Variants in PUS7 observed in about 807,000 individuals in gnomAD.
PUS7 encodes the protein pseudouridylate synthase 7 homolog.
Under a neutral mutation model 79.8 loss-of-function variants are expected in PUS7, and 48 were observed. That is an observed-to-expected ratio of 0.60 (90% CI 0.48 to 0.76). The LOEUF (loss-of-function observed/expected upper bound fraction) is 0.76. Among genes scored for constraint, PUS7 ranks in the 30% least tolerant of loss-of-function variants. The pLI, the probability that PUS7 is intolerant of heterozygous loss-of-function variation, is 0.00. For synonymous variants in PUS7, 286 were observed against 272.2 expected, an observed-to-expected ratio of 1.05 and a Z score of -0.50; for missense variants, 729 against 797.6, an observed-to-expected ratio of 0.91 and a Z score of 1.04.
chr7:105,490,894 A>G (rs1562804685), intron 7 of PUS7, among the ~76,000 whole-genome samples: 2 of 152,210 alleles, frequency 1.3e-5, no homozygotes, highest in Non-Finnish European at 2.9e-5. Context: ...AGGAGTTGCT[A>G]CTGCTACATA....
chr7:105,464,209 C>A (rs1285919733), intron 13 of PUS7, among the ~76,000 whole-genome samples: 1 of 150,392 alleles, frequency 6.6e-6, no homozygotes, highest in Non-Finnish European at 1.5e-5. Context: ...ATAATGTTTT[C>A]TTTCTTATGA....
At chr7:105,464,369 G>A (rs763602975) in intron 13 of PUS7, among the ~76,000 whole-genome samples, 1 of 152,160 alleles carries the variant, frequency 6.6e-6, no homozygotes, top group African/African-American at 2.4e-5. Context: ...TAGAGTGACC[G>A]GACTGTGCCA....
chr7:105,496,208 T>C (rs1411433573), intron 5 of PUS7, among the ~76,000 whole-genome samples: 4 of 62,782 alleles, frequency 6.4e-5, no homozygotes, highest in South Asian at 6.5e-4. Context: ...TATATATATA[T>C]ATATATATAT....
Position 105,457,551 on chromosome 7 carries a change from G to A in PUS7, c.*239C>T. The A allele has an allele frequency of 3.1e-6, 1 of 322,030 alleles. No homozygotes were observed. The highest frequency in any genetic ancestry group is 8.1e-5 in the South Asian group (1 of 12,408). The allele number at this position is 322,030 out of a possible 1,614,324, so 19.9% of individuals were successfully genotyped here. Reference sequence around the variant, plus strand: ...AAGCTGACATTTTACTCTGATTTAAGCACCTGAAGTGTATTTTGACTAATT... The same window carrying A: ...AAGCTGACATTTTACTCTGATTTAAACACCTGAAGTGTATTTTGACTAATT... On this transcript the variant is annotated 3_prime_UTR_variant, in exon 16 of 16. Coordinates refer to ENST00000469408, the MANE Select transcript of PUS7 (RefSeq NM_019042.5).
chr7:105,492,718 G>A (rs1048091828), intron 6 of PUS7, among the ~76,000 whole-genome samples: 132 of 151,420 alleles, frequency 8.7e-4, no homozygotes, highest in African/African-American at 3.1e-3. Flanking sequence ...TTTTTTAGCC[G>A]GGATGGTCTC....
rs567255492 is a variant in PUS7 at position 105,504,177 on chromosome 7, C to G, written c.586-1613G>C. ...CTCCACCTCCCAGGTTCAAGTGATT[C>G]TCCCGCCTCAGCCTCCTGAGTAGCT... On this transcript the variant is annotated intron_variant, in intron 4 of 15. Coordinates refer to ENST00000469408, the MANE Select transcript of PUS7 (RefSeq NM_019042.5). Among the ~76,000 whole-genome samples the G allele has an allele frequency of 2.2e-5, 3 of 138,140 alleles. No homozygotes were observed. In the East Asian group the frequency reaches 6.3e-4, roughly 29 times the overall value. The allele number at this position is 138,140 out of a possible 152,430, so 90.6% of individuals were successfully genotyped here.
chr7:105,466,976 T>G (rs1360598462), intron 12 of PUS7, among the ~76,000 whole-genome samples: 1 of 151,066 alleles, frequency 6.6e-6, no homozygotes, highest in African/African-American at 2.4e-5. Context: ...TAGCCTAGTA[T>G]GCCAGAGACA....
intron 9 of PUS7, among the ~76,000 whole-genome samples, chr7:105,473,256 A>T (rs1214032453): frequency 6.6e-6 from 1 of 151,970 alleles, no homozygotes; most frequent in Admixed American, 6.6e-5. Context: ...CTTTTTAAAA[A>T]AATTTTATTT....
chr7:105,483,385 G>T (rs901263316), intron 7 of PUS7, among the ~76,000 whole-genome samples: 1 of 151,928 alleles, frequency 6.6e-6, no homozygotes, highest in Non-Finnish European at 1.5e-5. Context: ...GGCTGGTCTT[G>T]AACTCCTGAC....
chr7:105,493,649 G>C (rs370518785), intron 6 of PUS7, among the ~76,000 whole-genome samples: 1 of 152,144 alleles, frequency 6.6e-6, no homozygotes. Flanking sequence ...CATTTAGGGT[G>C]GGCACTAATC....
Position 105,468,441 on chromosome 7 carries a change from A to G in PUS7, c.1421T>C (p.Met474Thr), listed in dbSNP as rs1227021448. 1.2e-6 allele frequency: 2 copies of G among 1,607,218 alleles called. No individual in the cohort carries two copies. Among genetic ancestry groups the G allele is most frequent in the South Asian group, 1.1e-5 (1 of 89,812 alleles). The stretch of plus-strand genomic sequence containing the variant: ...ATAGCTTTGGTAGCTATGAATATAC[A>G]TTAAGCGATTATTTCTGGGTATCTG... ...FGIIPRNNRLMYIHSYQSYVW... is the reference protein window; with the variant it reads ...FGIIPRNNRLTYIHSYQSYVW... Residue 474 changes from methionine (M) to threonine (T), a missense_variant, in exon 12 of 16, where the codon ATG (methionine) becomes ACG (threonine). Met to Thr is a moderately conservative substitution (Grantham distance 81). Transcript: ENST00000469408.
intron 12 of PUS7, 126 bp from the exon 13 acceptor site, chr7:105,465,540 A>C (rs559658801): frequency 1.4e-6 from 1 of 722,106 alleles, no homozygotes; most frequent in East Asian, 2.9e-5. Flanking sequence ...GTGACTTAAA[A>C]GCTTAAATTA....
intron 7 of PUS7, among the ~76,000 whole-genome samples, chr7:105,485,793 A>G (rs1562801394): frequency 6.6e-6 from 1 of 152,138 alleles, no homozygotes; most frequent in African/African-American, 2.4e-5. Context: ...AATTGCTTTA[A>G]GTGCTATATC....
In PUS7 at chr7:105,482,245, G is replaced by T. The variant is rs904201969; in HGVS notation, c.1049+67C>A. 191 of 1,540,530 alleles carry T rather than the reference G, an allele frequency of 1.2e-4. 1 individual carries two copies. The highest frequency in any genetic ancestry group is 3.4e-4 in the Middle Eastern group (2 of 5,836). ...GCTCACCAGGACCTTATGACCAACC[G>T]TGAGTAACATACTCAAGATGCCCTG... On this transcript the variant is annotated intron_variant, in intron 8 of 15. Transcript: ENST00000469408.
chr7:105,504,544 A>C (rs75773126), intron 4 of PUS7, among the ~76,000 whole-genome samples: 3 of 152,214 alleles, frequency 2.0e-5, no homozygotes, highest in Non-Finnish European at 4.4e-5. Context: ...AAAACTCAGA[A>C]AGTCCATCTT....
At chr7:105,462,463 T>G in intron 14 of PUS7, 158 bp downstream of exon 14, 2 of 786,818 alleles carry the variant, frequency 2.5e-6, no homozygotes, top group Non-Finnish European at 3.8e-6. Context: ...AAAAGGTAAG[T>G]AAAAATATGG....
At chr7:105,497,903 TC>T (rs1825101092) in intron 5 of PUS7, among the ~76,000 whole-genome samples, 2 of 152,204 alleles carry the variant, frequency 1.3e-5, no homozygotes, top group African/African-American at 4.8e-5. Flanking sequence ...TTTGAAAATG[TC>T]CATAATAAAA....
rs1823845206 is a variant in PUS7 at position 105,470,841 on chromosome 7, C to T, written c.1245G>A (p.Lys415=). 2 of 1,588,250 alleles carry T rather than the reference C, an allele frequency of 1.3e-6. No homozygotes were observed. Among genetic ancestry groups the T allele is most frequent in the African/African-American group, 2.7e-5 (2 of 74,268 alleles). The change falls in exon 11 of 16, where the codon AAG becomes AAA. Residue 415 remains lysine, a synonymous_variant. Coordinates refer to ENST00000469408, the MANE Select transcript of PUS7 (RefSeq NM_019042.5). The part of the protein sequence containing the change: ...LILKPRSGAE[K]GYLVKCREEW... ...CTTCTCTGCATTTAACCAAGTAGCC[C>T]TTTTCAGCTGCGGGGGGAAAAAGCT...
intron 11 of PUS7, 101 bp downstream of exon 11, chr7:105,470,587 T>A: frequency 2.2e-6 from 3 of 1,334,216 alleles, no homozygotes; most frequent in Non-Finnish European, 3.0e-6. Flanking sequence ...GATCCTTATT[T>A]ACCTTCTGCT....
Sources: allele counts gnomAD v4.1 joint callset (sites outside exome capture counted in the v4.1 genomes callset), GRCh38; gene constraint gnomAD v4.1.1; transcripts MANE v1.5; gene names NCBI Gene and HGNC (gene_info 2026-07-23, HGNC 2026-07-21).